The following STXBP5 variants were observed in gnomAD, a reference collection of about 807,000 sequenced individuals.
STXBP5 encodes the protein syntaxin binding protein 5.
Under a neutral mutation model 152.4 loss-of-function variants are expected in STXBP5, and 50 were observed. The ratio of observed to expected loss-of-function variants is 0.33; its 90% CI spans 0.26 to 0.42. STXBP5 has a LOEUF of 0.42. STXBP5 is among the 10% of genes least tolerant of loss of function. The pLI, the probability that STXBP5 is intolerant of heterozygous loss-of-function variation, is 1.00. For missense variants in STXBP5, 1,167 were observed against 1,388.6 expected (o/e 0.84, Z 2.54); for synonymous variants, 492 against 494.7 (o/e 0.99, Z 0.07).
At chr6:147,229,996 A>G (rs1162228165) in intron 2 of STXBP5, among the ~76,000 whole-genome samples, 3 of 151,850 alleles carry the variant, frequency 2.0e-5, no homozygotes, top group Admixed American at 6.6e-5. Context: ...TGAGTTTTTC[A>G]TAGATGCCCT....
intron 21 of STXBP5, among the ~76,000 whole-genome samples, chr6:147,350,454 T>C (rs1384996320): frequency 1.3e-5 from 2 of 152,248 alleles, no homozygotes; most frequent in African/African-American, 4.8e-5. Context: ...CCTAATTGAT[T>C]AAAATATGTA....
intron 4 of STXBP5, among the ~76,000 whole-genome samples, chr6:147,250,884 C>T (rs557106880): frequency 6.8e-6 from 1 of 147,532 alleles, no homozygotes; most frequent in Non-Finnish European, 1.5e-5. Flanking sequence ...AGGAGAATCG[C>T]TTGAACCTGG....
chr6:147,258,416 A>G (rs1301244105), intron 4 of STXBP5, among the ~76,000 whole-genome samples: 3 of 152,120 alleles, frequency 2.0e-5, no homozygotes, highest in Non-Finnish European at 4.4e-5. Flanking sequence ...CACACGCATA[A>G]CACATAGTTT....
intron 6 of STXBP5, among the ~76,000 whole-genome samples, chr6:147,265,224 T>G (rs1409045142): frequency 6.6e-6 from 1 of 152,114 alleles, no homozygotes; most frequent in African/African-American, 2.4e-5. Context: ...AAAAATTGAC[T>G]GTATTCTGTA....
chr6:147,208,160 A>G (rs1239636770), intron 2 of STXBP5, among the ~76,000 whole-genome samples: 1 of 152,090 alleles, frequency 6.6e-6, no homozygotes, highest in Non-Finnish European at 1.5e-5. Context: ...GAACCTCCTT[A>G]CTAAGAATGA....
intron 4 of STXBP5, 24 bp from the exon 5 acceptor site, chr6:147,260,591 T>C (rs1391542915): frequency 6.2e-7 from 1 of 1,613,374 alleles, no homozygotes; most frequent in Middle Eastern, 1.7e-4. Context: ...AAATTTCTTT[T>C]TTGAGTATAT....
intron 23 of STXBP5, among the ~76,000 whole-genome samples, chr6:147,362,164 G>A (rs148519473): frequency 1.3e-5 from 2 of 151,974 alleles, no homozygotes; most frequent in Admixed American, 1.3e-4. Flanking sequence ...TCAATAGAAG[G>A]CTGCAACCTT....
intron 25 of STXBP5, among the ~76,000 whole-genome samples, chr6:147,370,613 C>T (rs1785495607): frequency 1.3e-5 from 2 of 151,830 alleles, no homozygotes; most frequent in Admixed American, 6.6e-5. Flanking sequence ...TTTGTGAACC[C>T]TAACCAAAAT....
intron 4 of STXBP5, among the ~76,000 whole-genome samples, chr6:147,247,303 T>G (rs962831507): frequency 6.6e-6 from 1 of 152,106 alleles, no homozygotes; most frequent in African/African-American, 2.4e-5. Flanking sequence ...GCATTAGAAA[T>G]GAGAGTGATG....
At chr6:147,221,820 T>A (rs1259453647) in intron 2 of STXBP5, among the ~76,000 whole-genome samples, 1 of 152,020 alleles carries the variant, frequency 6.6e-6, no homozygotes, top group Admixed American at 6.6e-5. Context: ...GACATTGATT[T>A]AGAGGAAATT....
intron 7 of STXBP5, among the ~76,000 whole-genome samples, chr6:147,267,502 C>A (rs1779951582): frequency 5.9e-5 from 9 of 151,976 alleles, no homozygotes; most frequent in Admixed American, 4.6e-4. Flanking sequence ...CATTTATAAT[C>A]CACTTTAAGA....
chr6:147,372,961 A>G (rs1435167425), intron 25 of STXBP5, among the ~76,000 whole-genome samples: 2 of 152,320 alleles, frequency 1.3e-5, no homozygotes, highest in East Asian at 1.9e-4. Context: ...GCATGTGTTT[A>G]TGAGAAAAGA....
intron 18 of STXBP5, among the ~76,000 whole-genome samples, chr6:147,330,715 G>A (rs1008727946): frequency 2.0e-5 from 3 of 152,146 alleles, no homozygotes; most frequent in Admixed American, 6.5e-5. Context: ...TTGACATAAT[G>A]TTGCCTGAAG....
At chr6:147,381,749 A>T (rs1786094990) in intron 26 of STXBP5, among the ~76,000 whole-genome samples, 1 of 152,152 alleles carries the variant, frequency 6.6e-6, no homozygotes, top group African/African-American at 2.4e-5. Context: ...ATAACCTTTG[A>T]CGTTACTCTC....
chr6:147,308,397 G>A (rs1386605512), intron 9 of STXBP5, among the ~76,000 whole-genome samples: 1 of 152,112 alleles, frequency 6.6e-6, no homozygotes, highest in Non-Finnish European at 1.5e-5. Context: ...ATCAATTAGT[G>A]CTAAAAAATA....
intron 8 of STXBP5, among the ~76,000 whole-genome samples, chr6:147,286,556 G>T (rs1249486039): frequency 6.6e-6 from 1 of 152,154 alleles, no homozygotes; most frequent in Non-Finnish European, 1.5e-5. Context: ...GCACTCAGAT[G>T]ATTGATAGCT....
intron 9 of STXBP5, among the ~76,000 whole-genome samples, chr6:147,305,004 C>G (rs1782016806): frequency 6.6e-6 from 1 of 152,158 alleles, no homozygotes; most frequent in African/African-American, 2.4e-5. Context: ...ATAGCATCCT[C>G]ACATTCCCCC....
At chr6:147,258,763 A>G (rs1350379740) in intron 4 of STXBP5, among the ~76,000 whole-genome samples, 1 of 152,176 alleles carries the variant, frequency 6.6e-6, no homozygotes, top group African/African-American at 2.4e-5. Flanking sequence ...GCTCTAACAC[A>G]TTACTCCTTT....
chr6:147,296,727 A>G (rs1057066246), intron 9 of STXBP5, among the ~76,000 whole-genome samples: 1 of 152,224 alleles, frequency 6.6e-6, no homozygotes, highest in Admixed American at 6.5e-5. Context: ...CAGTTAAACA[A>G]TTCAACAAAA....
Sources: allele counts gnomAD v4.1 joint callset (sites outside exome capture counted in the v4.1 genomes callset), GRCh38; gene constraint gnomAD v4.1.1; transcripts MANE v1.5; gene names NCBI Gene and HGNC (gene_info 2026-07-23, HGNC 2026-07-21).